ZBTB20: variants seen among roughly 807,000 people sequenced by gnomAD.
ZBTB20 encodes zinc finger and BTB domain containing 20.
In ZBTB20, 9 loss-of-function variants were observed where a neutral mutation model predicts 56.9. The ratio of observed to expected loss-of-function variants is 0.16; its 90% CI spans 0.10 to 0.28. The LOEUF (loss-of-function observed/expected upper bound fraction) is 0.28, where lower values mean the gene tolerates loss of function less well. Ranked by LOEUF, ZBTB20 falls within the 10% of genes least tolerant of loss-of-function variation. The pLI, the probability that ZBTB20 is intolerant of heterozygous loss-of-function variation, is 1.00. For missense variants in ZBTB20, 655 were observed against 1,003.0 expected (o/e 0.65, Z 4.69); for synonymous variants, 417 against 420.7 (o/e 0.99, Z 0.11).
chr3:114,532,303 G>A (rs1049931243), intron 6 of ZBTB20, among the ~76,000 whole-genome samples: 2 of 152,154 alleles, frequency 1.3e-5, no homozygotes, highest in Admixed American at 6.5e-5. Context: ...TTGGTGGGGG[G>A]AGGGGTGTCC....
chr3:114,929,670 A>G (rs560532823), intron 3 of ZBTB20, among the ~76,000 whole-genome samples: 6 of 152,368 alleles, frequency 3.9e-5, no homozygotes, highest in African/African-American at 1.4e-4. Context: ...ATAAAGAGGT[A>G]CTTACATAGT....
chr3:114,752,572 T>C (rs1290372354), intron 5 of ZBTB20, among the ~76,000 whole-genome samples: 1 of 152,212 alleles, frequency 6.6e-6, no homozygotes, highest in Non-Finnish European at 1.5e-5. Flanking sequence ...CTTTTTCCTA[T>C]TGTCTGAAAT....
intron 5 of ZBTB20, among the ~76,000 whole-genome samples, chr3:114,696,352 G>A (rs939326819): frequency 6.6e-6 from 1 of 151,950 alleles, no homozygotes; most frequent in Non-Finnish European, 1.5e-5. Context: ...GAGATCAAGC[G>A]CTTCAATAGT....
chr3:114,589,328 C>G (rs1167504288), intron 6 of ZBTB20, among the ~76,000 whole-genome samples: 1 of 152,136 alleles, frequency 6.6e-6, no homozygotes, highest in Admixed American at 6.5e-5. Flanking sequence ...TGCCTTGTCC[C>G]TTTCTCCTCA....
intron 3 of ZBTB20, 170 bp from the exon 4 acceptor site, chr3:114,900,512 T>TACACACACAC (rs58242135): frequency 3.5e-4 from 51 of 145,744 alleles, no homozygotes; most frequent in African/African-American, 1.2e-3. Flanking sequence ...TGAAAATATA[T>TACACACACAC]ACACACACAC....
Position 114,832,629 on chromosome 3 carries a change from G to C in ZBTB20, c.-416-31455C>G, listed in dbSNP as rs541959367. Among the ~76,000 whole-genome samples, 106 of 152,164 alleles carry C rather than the reference G, an allele frequency of 7.0e-4. 1 individual carries two copies. Among genetic ancestry groups the C allele is most frequent in the African/African-American group, 2.5e-3 (105 of 41,540 alleles). ...ATGTCCTTGTAAATCTAAAAGCTAT[G>C]AAACGTTATATTTTCTATTTCTAAA... On this transcript the variant is annotated intron_variant, in intron 4 of 11. Coordinates refer to ENST00000675478, the MANE Select transcript of ZBTB20 (RefSeq NM_001348800.3).
chr3:114,867,675 T>C (rs1576167053), intron 4 of ZBTB20, among the ~76,000 whole-genome samples: 2 of 152,106 alleles, frequency 1.3e-5, no homozygotes, highest in South Asian at 4.1e-4. Context: ...CCTCAAGTGA[T>C]CCACCTGCCT....
At chr3:114,746,090 A>C (rs572185345) in intron 5 of ZBTB20, among the ~76,000 whole-genome samples, 87 of 152,286 alleles carry the variant, frequency 5.7e-4, no homozygotes, top group Middle Eastern at 3.4e-3. Context: ...GGTTTACTCA[A>C]TTCTAGAAAC....
chr3:114,878,861 G>A lies in ZBTB20; in HGVS notation c.-417+21443C>T, dbSNP rs1407139175. Among the ~76,000 whole-genome samples, 3 of 152,116 alleles carry A rather than the reference G, an allele frequency of 2.0e-5. No individual in the cohort carries two copies. The East Asian group carries it at 5.8e-4, about 29-fold the overall frequency. ...CTCATTCAAGTTTCTGAAATGCCAT[G>A]TCTAAAATAACACACAAAAAAGAAA... is the stretch of plus-strand genomic sequence containing the variant. On this transcript the variant is annotated intron_variant, in intron 4 of 11. Coordinates refer to ENST00000675478, the MANE Select transcript of ZBTB20 (RefSeq NM_001348800.3).
At chr3:114,866,906 G>A (rs2075788620) in intron 4 of ZBTB20, among the ~76,000 whole-genome samples, 3 of 152,086 alleles carry the variant, frequency 2.0e-5, no homozygotes, top group Non-Finnish European at 4.4e-5. Context: ...GGACTTGTGA[G>A]CTTCCACAGT....
intron 5 of ZBTB20, among the ~76,000 whole-genome samples, chr3:114,718,713 T>A (rs1054580908): frequency 4.6e-5 from 7 of 152,026 alleles, no homozygotes; most frequent in Admixed American, 1.3e-4. Context: ...AAAAGGAACG[T>A]TTCTATCACT....
At chr3:114,913,853 G>A (rs2075639018) in intron 3 of ZBTB20, among the ~76,000 whole-genome samples, 1 of 151,816 alleles carries the variant, frequency 6.6e-6, no homozygotes, top group Non-Finnish European at 1.5e-5. Flanking sequence ...TTTCCCCAAT[G>A]TATGTTCTTG....
intron 10 of ZBTB20, among the ~76,000 whole-genome samples, chr3:114,360,723 G>A (rs752493006): frequency 3.3e-5 from 5 of 152,066 alleles, no homozygotes; most frequent in Non-Finnish European, 7.4e-5. Flanking sequence ...CAAAGCAACA[G>A]GGAAAAGCCA....
intron 7 of ZBTB20, among the ~76,000 whole-genome samples, chr3:114,416,359 A>C (rs1433642998): frequency 6.6e-6 from 1 of 151,106 alleles, no homozygotes; most frequent in African/African-American, 2.4e-5. Context: ...AACTAAATAG[A>C]GGGATTAGAA....
intron 5 of ZBTB20, among the ~76,000 whole-genome samples, chr3:114,799,843 G>A (rs1560264796): frequency 6.6e-6 from 1 of 151,790 alleles, no homozygotes; most frequent in Non-Finnish European, 1.5e-5. Flanking sequence ...GTGCATCATC[G>A]CTTAACAAAA....
intron 3 of ZBTB20, among the ~76,000 whole-genome samples, chr3:114,906,553 G>A (rs914470632): frequency 2.7e-5 from 4 of 150,428 alleles, no homozygotes; most frequent in African/African-American, 7.3e-5. Context: ...AAATGAGGGG[G>A]ATTTTATATA....
intron 6 of ZBTB20, among the ~76,000 whole-genome samples, chr3:114,649,980 GACTAGGC>G (rs1188934728): frequency 2.0e-5 from 3 of 151,810 alleles, no homozygotes; most frequent in African/African-American, 7.2e-5. Context: ...AGCTACTCCA[GACTAGGC>G]ACTACACAAA....
At chr3:114,580,301 G>T (rs965726269) in intron 6 of ZBTB20, among the ~76,000 whole-genome samples, 12 of 151,572 alleles carry the variant, frequency 7.9e-5, no homozygotes, top group African/African-American at 2.9e-4. Context: ...AATTTAACTA[G>T]TATTTCTGAT....
chr3:114,664,261 T>C (rs960684640), intron 6 of ZBTB20, among the ~76,000 whole-genome samples: 1 of 152,002 alleles, frequency 6.6e-6, no homozygotes, highest in Admixed American at 6.6e-5. Flanking sequence ...AATCATTACT[T>C]ATGGCAACTA....
Sources: allele counts gnomAD v4.1 joint callset (sites outside exome capture counted in the v4.1 genomes callset), GRCh38; gene constraint gnomAD v4.1.1; transcripts MANE v1.5; gene names NCBI Gene and HGNC (gene_info 2026-07-23, HGNC 2026-07-21).